The following NBPF19 variants were observed in gnomAD, a reference collection of about 807,000 sequenced individuals.
The protein encoded by NBPF19 is NBPF family member NBPF19.
A neutral mutation model predicts 45.9 loss-of-function variants in NBPF19; 30 were observed. The ratio of observed to expected loss-of-function variants is 0.65; its 90% CI spans 0.49 to 0.89. The LOEUF is 0.89. Among genes scored for constraint, NBPF19 ranks in the 40% least tolerant of loss-of-function variants. The pLI is 0.00. For synonymous variants in NBPF19, 183 were observed against 181.2 expected, an observed-to-expected ratio of 1.01 and a Z score of -0.08; for missense variants, 495 against 471.8, an observed-to-expected ratio of 1.05 and a Z score of -0.46.
chr1:149,555,070 G>A lies in NBPF19; in HGVS notation c.*332G>A, dbSNP rs1329059565. On this transcript the variant is annotated 3_prime_UTR_variant, in exon 94 of 94. Coordinates refer to ENST00000651566, the MANE Select transcript of NBPF19 (RefSeq NM_001351365.2). ...GGCATGTCTCTGAGCTTCTATACCT[G>A]CTCAAGGTCAGTGTCATCTTTGTGT... The A allele has an allele frequency of 3.1e-5, 12 of 385,132 alleles. No individual in the cohort carries two copies. The highest frequency in any genetic ancestry group is 2.3e-4 in the South Asian group (9 of 39,132). The allele number at this position is 385,132 out of a possible 1,614,324, so 23.9% of individuals were successfully genotyped here.
At chr1:149,527,104 T>A (rs1351784766) in intron 59 of NBPF19, 91 bp downstream of exon 59, 10 of 155,732 alleles carry the variant, frequency 6.4e-5, no homozygotes, top group African/African-American at 4.3e-4. Context: ...AATTTCATGT[T>A]TTCAACGAAG....
chr1:149,486,601 G>C lies in NBPF19; in HGVS notation c.988+308G>C, dbSNP rs1259255487. Among the ~76,000 whole-genome samples, 111 of 151,484 alleles carry C rather than the reference G, an allele frequency of 7.3e-4. 7 individuals carry two copies. In the Middle Eastern group the frequency reaches 0.01, roughly 14 times the overall value. The stretch of plus-strand genomic sequence containing the variant: ...ACTATGTAGCACATGCCCAGGAGTT[G>C]TCTGTCAGATCAGCTCATCTGAATT... On this transcript the variant is annotated intron_variant, in intron 8 of 93. Transcript: ENST00000651566.
chr1:149,554,450 T>G (rs1293140678), intron 93 of NBPF19, 45 bp from the exon 94 acceptor site: 4 of 1,608,048 alleles, frequency 2.5e-6, no homozygotes, highest in Non-Finnish European at 3.4e-6. Context: ...CTCTGTGGTG[T>G]CTGATTTTCC....
In NBPF19 at chr1:149,554,500, A is replaced by C; in HGVS notation, c.11294A>C (p.Asn3765Thr). The C allele has an allele frequency of 6.2e-7, 1 of 1,607,978 alleles. No individual in the cohort carries two copies. The change falls in exon 94 of 94, where the codon AAC becomes ACC. Residue 3765 changes from asparagine to threonine, a missense_variant. Physicochemically the swap from Asn to Thr is moderately conservative, Grantham distance 65 (BLOSUM62 0). Transcript: ENST00000651566. Reference protein sequence around the residue: ...EDQNPPCPRLNSVLMEVEEPE... With the variant: ...EDQNPPCPRLTSVLMEVEEPE... ...AGTTTTGTCTCCTTTTCCAGGCTCAACAGCGTGCTGATGGAAGTGGAAGAG... is the reference window on the plus strand; with the variant it reads ...AGTTTTGTCTCCTTTTCCAGGCTCACCAGCGTGCTGATGGAAGTGGAAGAG...
Position 149,487,526 on chromosome 1 carries a change from T to C in NBPF19, c.1040+143T>C, listed in dbSNP as rs1370004321. On this transcript the variant is annotated intron_variant, in intron 9 of 93. Transcript: ENST00000651566. ...TGCCTAATACATTGCTTTTTTGTTC[T>C]CATTAGAGTAAATGTTTAGGTTTCC... The C allele has an allele frequency of 1.2e-4, 120 of 997,052 alleles. 2 individuals are homozygous for C. The African/African-American group carries it at 1.5e-3, about 13-fold the overall frequency. The allele number at this position is 997,052 out of a possible 1,614,324, so 61.8% of individuals were successfully genotyped here.
rs1181247517 is a variant in NBPF19 at position 149,486,792 on chromosome 1, C to T, written c.988+499C>T. Among the ~76,000 whole-genome samples, 680 of 150,886 alleles carry T rather than the reference C, an allele frequency of 4.5e-3. 21 individuals carry two copies. Among genetic ancestry groups the T allele is most frequent in the African/African-American group, 0.013 (530 of 41,078 alleles). ...TCCCATTTTCTGTGTCTTCTAAGTTCGCTTGTTTTAGCTCATCTGTCCGTC... is the reference window on the plus strand; with the variant it reads ...TCCCATTTTCTGTGTCTTCTAAGTTTGCTTGTTTTAGCTCATCTGTCCGTC... On this transcript the variant is annotated intron_variant, in intron 8 of 93. Coordinates refer to ENST00000651566, the MANE Select transcript of NBPF19 (RefSeq NM_001351365.2).
At chr1:149,493,798 A>C (rs2085956420) in intron 17 of NBPF19, 87 bp downstream of exon 17, 1 of 158,890 alleles carries the variant, frequency 6.3e-6, no homozygotes, top group Non-Finnish European at 1.1e-5. Flanking sequence ...GTTCAATTTC[A>C]TGTTTTCAAC....
rs2087197437 is a variant in NBPF19 at position 149,554,563 on chromosome 1, C to A, written c.11357C>A (p.Ser3786Ter). Residue 3786 changes from serine to a stop codon, truncating the protein, a stop_gained, in exon 94 of 94, where the codon TCG (serine) becomes TAG (stop). Transcript: ENST00000651566. LOFTEE classifies it low-confidence loss of function (END_TRUNC). ...VLQDSLDGCY[S>*]TPSMYFELPD... is the part of the protein sequence containing the mutation. ...CAGGACTCACTGGATGGATGTTATT[C>A]GACTCCGTCAATGTACTTTGAACTA... 1 of 1,608,194 alleles carries A rather than the reference C, an allele frequency of 6.2e-7. No homozygotes were observed. Among genetic ancestry groups the A allele is most frequent in the Non-Finnish European group, 8.5e-7 (1 of 1,176,734 alleles).
rs1467847772 is a variant in NBPF19 at position 149,554,870 on chromosome 1, A to G, written c.*132A>G. Reference sequence around the variant, plus strand: ...GGTCAGTGGGCATGGCTCTTTTCCTATTCTCAAACCATGCCAGTGGCAACC... The same window carrying G: ...GGTCAGTGGGCATGGCTCTTTTCCTGTTCTCAAACCATGCCAGTGGCAACC... On this transcript the variant is annotated 3_prime_UTR_variant, in exon 94 of 94. Coordinates refer to ENST00000651566, the MANE Select transcript of NBPF19 (RefSeq NM_001351365.2). 73 of 1,499,034 alleles carry G rather than the reference A, an allele frequency of 4.9e-5. 2 individuals are homozygous for G. Among genetic ancestry groups the G allele is most frequent in the Non-Finnish European group, 6.3e-5 (70 of 1,103,594 alleles). 92.9% of individuals were successfully genotyped at this position (1,499,034 alleles called of 1,614,324 possible).
chr1:149,486,539 C>T (rs1223858975), intron 8 of NBPF19, among the ~76,000 whole-genome samples: 3 of 151,458 alleles, frequency 2.0e-5, no homozygotes, highest in Non-Finnish European at 3.0e-5. Flanking sequence ...ACTGTCACGA[C>T]ATTGAACTCA....
chr1:149,487,788 T>A (rs1462943210), intron 9 of NBPF19, among the ~76,000 whole-genome samples: 43 of 145,676 alleles, frequency 3.0e-4, no homozygotes, highest in South Asian at 2.7e-3. Flanking sequence ...TGTGTGTGTG[T>A]GTGTGTGTGT....
At chr1:149,528,894 C>A (rs2086900968) in intron 61 of NBPF19, among the ~76,000 whole-genome samples, 6 of 123,680 alleles carry the variant, frequency 4.9e-5, no homozygotes, top group Admixed American at 8.3e-5. Flanking sequence ...TGTCCTGTTA[C>A]TCCCTCATCA....
At chr1:149,516,315 C>CTCTCTG (rs1183342622) in intron 45 of NBPF19, among the ~76,000 whole-genome samples, 5 of 108,748 alleles carry the variant, frequency 4.6e-5, no homozygotes, top group Non-Finnish European at 8.0e-5. Context: ...AGGTCACTTT[C>CTCTCTG]TCTCTGTCTC....
intron 13 of NBPF19, 88 bp from the exon 14 acceptor site, chr1:149,491,051 C>A: frequency 2.7e-6 from 1 of 368,414 alleles, no homozygotes; most frequent in Non-Finnish European, 4.7e-6. Flanking sequence ...TTCTTAACCA[C>A]TTCCCTATGC....
Position 149,554,789 on chromosome 1 carries a change from G to A in NBPF19, c.*51G>A, listed in dbSNP as rs1360117101. 3.7e-6 allele frequency: 6 copies of A among 1,605,878 alleles called. No individual in the cohort carries two copies. The highest frequency in any genetic ancestry group is 3.3e-5 in the Admixed American group (2 of 59,760). The stretch of plus-strand genomic sequence containing the variant: ...TCATTCCTGCAGGCAGGACCTATAG[G>A]CACGTGAAGATTTGAATGAAACTAC... On this transcript the variant is annotated 3_prime_UTR_variant, in exon 94 of 94. Transcript: ENST00000651566.
In NBPF19 at chr1:149,487,346, C is replaced by A. The variant is rs1487074770; in HGVS notation, c.1003C>A (p.Gln335Lys). ...AVDIGRHRWD[Q>K]VKKEDQEATG... ...TTTATTTGCAGGACATCGCTGGGAT[C>A]AAGTGAAAAAGGAGGACCAAGAGGC... Residue 335 changes from glutamine to lysine, a missense_variant, in exon 9 of 94, where the codon CAA becomes AAA. This residue lies in a region of NBPF19 where 146 missense variants were observed against 67.3 expected (regional missense o/e 2.17). Transcript: ENST00000651566. 3 of 1,564,118 alleles carry A rather than the reference C, an allele frequency of 1.9e-6. No individual in the cohort carries two copies. Among genetic ancestry groups the A allele is most frequent in the African/African-American group, 2.7e-5 (2 of 73,714 alleles).
Position 149,494,453 on chromosome 1 carries a change from G to T in NBPF19, c.2133G>T (p.Leu711Phe), listed in dbSNP as rs2086007113. 1.2e-5 allele frequency: 3 copies of T among 248,660 alleles called. No homozygotes were observed. The Admixed American group carries it at 2.5e-4, about 21-fold the overall frequency. 15.4% of individuals were successfully genotyped at this position (248,660 alleles called of 1,614,324 possible). The change falls in exon 18 of 94, where the codon TTG becomes TTT. Residue 711 changes from leucine to phenylalanine, a missense_variant. Coordinates refer to ENST00000651566, the MANE Select transcript of NBPF19 (RefSeq NM_001351365.2). ...GQPYSSAVYS[L>F]EEQYLGLALD... is the part of the protein sequence containing the mutation. Reference sequence around the variant, plus strand: ...CCTACAGCAGTGCTGTTTACTCATTGGAGGAACAGTACCTTGGCTTGGCTC... The same window carrying T: ...CCTACAGCAGTGCTGTTTACTCATTTGAGGAACAGTACCTTGGCTTGGCTC...
intron 75 of NBPF19, among the ~76,000 whole-genome samples, 181 bp from the exon 76 acceptor site, chr1:149,540,118 CTT>C (rs1477365075): frequency 3.5e-4 from 5 of 14,262 alleles, no homozygotes; most frequent in Non-Finnish European, 4.3e-4. Context: ...CTGTCTTTCT[CTT>C]TCATTGTTTT....
intron 61 of NBPF19, among the ~76,000 whole-genome samples, chr1:149,528,888 C>T (rs1271416327): frequency 4.9e-5 from 6 of 121,900 alleles, no homozygotes; most frequent in South Asian, 3.0e-4. Context: ...TCAGAGTGTC[C>T]TGTTACTCCC....
Sources: gnomAD v4.1 joint callset for allele counts (sites outside exome capture counted in the v4.1 genomes callset) on GRCh38, gnomAD v4.1.1 for gene constraint, gnomAD v4.1.1 regional missense constraint, MANE v1.5 for transcripts, NCBI Gene and HGNC (gene_info 2026-07-23, HGNC 2026-07-21) for gene names.